Variants in CFAP70 observed in about 807,000 individuals in gnomAD.
The protein encoded by CFAP70 is cilia- and flagella-associated protein 70.
In CFAP70, 81 loss-of-function variants were observed where a neutral mutation model predicts 137.6. The ratio of observed to expected loss-of-function variants is 0.59; its 90% CI spans 0.49 to 0.71. The LOEUF (loss-of-function observed/expected upper bound fraction) is 0.71, where lower values mean the gene tolerates loss of function less well. Ranked by LOEUF, CFAP70 falls within the 30% of genes least tolerant of loss-of-function variation. The probability of loss-of-function intolerance (pLI) is 0.00; values close to 1 mark genes in which losing one functional copy is unlikely to be tolerated. For synonymous variants in CFAP70, 382 were observed against 423.6 expected (o/e 0.90, Z 1.20); for missense variants, 976 against 1,226.7 (o/e 0.80, Z 3.05).
chr10:73,264,396 A>AT (rs2045562150), intron 25 of CFAP70, among the ~76,000 whole-genome samples: 1 of 152,228 alleles, frequency 6.6e-6, no homozygotes, highest in African/African-American at 2.4e-5. Context: ...AAATACACAT[A>AT]TATTTCTATA....
chr10:73,285,949 C>G (rs2047671574), intron 19 of CFAP70, among the ~76,000 whole-genome samples: 1 of 151,746 alleles, frequency 6.6e-6, no homozygotes, highest in African/African-American at 2.4e-5. Context: ...ACTATATTTT[C>G]TTGCATGGGT....
intron 11 of CFAP70, 99 bp downstream of exon 12, chr10:73,311,735 T>A: frequency 1.0e-6 from 1 of 970,158 alleles, no homozygotes; most frequent in Non-Finnish European, 1.6e-6. Flanking sequence ...TATGGAATGA[T>A]AACTAACATC....
intron 10 of CFAP70, among the ~76,000 whole-genome samples, 196 bp downstream of exon 11, chr10:73,312,277 G>T (rs777489497): frequency 2.4e-4 from 36 of 152,140 alleles, no homozygotes; most frequent in Non-Finnish European, 4.4e-4. Context: ...ATGGCGGGTT[G>T]ACAGGTGCAG....
At chr10:73,323,453 G>A (rs1253452202) in intron 8 of CFAP70, among the ~76,000 whole-genome samples, 1 of 152,116 alleles carries the variant, frequency 6.6e-6, no homozygotes, top group African/African-American at 2.4e-5. Flanking sequence ...CATCTCACTA[G>A]GGGGTGCCAG....
intron 9 of CFAP70, among the ~76,000 whole-genome samples, chr10:73,315,144 T>C (rs959475096): frequency 6.8e-6 from 1 of 147,764 alleles, no homozygotes; most frequent in Admixed American, 6.9e-5. Flanking sequence ...TTGAGCCCAG[T>C]AGTTCAAGGC....
intron 14 of CFAP70, 128 bp downstream of exon 15, chr10:73,298,771 GAGAACTTA>G (rs1301389964): frequency 1.5e-6 from 1 of 682,300 alleles, no homozygotes; most frequent in Non-Finnish European, 2.4e-6. Context: ...CTCTATCATA[GAGAACTTA>G]GCTCTTTGCC....
intron 14 of CFAP70, 122 bp downstream of exon 15, chr10:73,298,785 T>C (rs2048721837): frequency 1.2e-6 from 1 of 811,284 alleles, no homozygotes; most frequent in Non-Finnish European, 1.9e-6. Context: ...ACTTAGCTCT[T>C]TGCCCCACCA....
rs565092107 is a variant in CFAP70 at position 73,347,996 on chromosome 10, A to T, written c.349+427T>A. ...TAGACTGTGGGCTTTTCAAAGTAGG[A>T]CTCTGCCTTATTATCTTTGTTTCCC... is the stretch of plus-strand genomic sequence containing the variant. On this transcript the variant is annotated intron_variant, in intron 4 of 26. Coordinates refer to ENST00000310715, the Ensembl canonical transcript of CFAP70. Among the ~76,000 whole-genome samples, 12 of 152,226 alleles carry T rather than the reference A, an allele frequency of 7.9e-5. No homozygotes were observed. In the South Asian group the frequency reaches 1.2e-3, roughly 16 times the overall value.
chr10:73,345,196 T>C, intron 4 of CFAP70: 2 of 1,614,176 alleles, frequency 1.2e-6, no homozygotes, highest in Non-Finnish European at 1.7e-6. Context: ...ATCTGGGCTG[T>C]GGTCAGTAAA....
In CFAP70 at chr10:73,344,088, C is replaced by T. The variant is rs563077226; in HGVS notation, c.399+977G>A. On this transcript the variant is annotated intron_variant, in intron 5 of 26. Coordinates refer to ENST00000310715, the Ensembl canonical transcript of CFAP70. ...AGTGGTTCTCCTGCCTCAGCCTCCCCAGTAGCTGGGATTACAGGCACCCAC... is the reference window on the plus strand; with the variant it reads ...AGTGGTTCTCCTGCCTCAGCCTCCCTAGTAGCTGGGATTACAGGCACCCAC... 1.6e-4 allele frequency among the ~76,000 whole-genome samples: 25 copies of T among 151,900 alleles called. No homozygotes were observed. The South Asian group carries it at 5.0e-3, about 30-fold the overall frequency.
chr10:73,321,793 T>C (rs779200252), intron 9 of CFAP70, among the ~76,000 whole-genome samples: 29 of 152,162 alleles, frequency 1.9e-4, no homozygotes, highest in Non-Finnish European at 3.1e-4. Flanking sequence ...TTCTTATATA[T>C]ATATTTTTAA....
intron 8 of CFAP70, among the ~76,000 whole-genome samples, chr10:73,324,704 G>A (rs563144628): frequency 2.6e-5 from 4 of 152,326 alleles, no homozygotes; most frequent in Non-Finnish European, 5.9e-5. Flanking sequence ...AGCCTCAGGA[G>A]CCGATGTGAT....
chr10:73,343,939 T>C (rs57025413), intron 5 of CFAP70, among the ~76,000 whole-genome samples: 23,289 of 151,462 alleles, frequency 0.15, 2,931 homozygotes, highest in African/African-American at 0.32. Flanking sequence ...TGAAAGAAAA[T>C]ATTATTTTTC....
chr10:73,344,653 G>A (rs1381555304), intron 5 of CFAP70, among the ~76,000 whole-genome samples: 2 of 152,186 alleles, frequency 1.3e-5, no homozygotes, highest in African/African-American at 2.4e-5. Flanking sequence ...TCTCCATCAA[G>A]AGCCTAAGAA....
chr10:73,293,217 T>C, intron 16 of CFAP70, 46 bp downstream of exon 17: 1 of 1,561,310 alleles, frequency 6.4e-7, no homozygotes, highest in South Asian at 1.2e-5. Context: ...ATTATGCCCA[T>C]ATTTCACAAA....
chr10:73,353,502 A>G (rs542223330), intron 3 of CFAP70, 54 bp downstream of exon 3: 51 of 1,484,406 alleles, frequency 3.4e-5, no homozygotes, highest in Non-Finnish European at 4.7e-5. Context: ...CCCATCCAAC[A>G]TGATAGGGAA....
At chr10:73,287,603 T>A (rs2047830711) in intron 19 of CFAP70, among the ~76,000 whole-genome samples, 1 of 152,200 alleles carries the variant, frequency 6.6e-6, no homozygotes, top group African/African-American at 2.4e-5. Flanking sequence ...CATACTTTTC[T>A]TAGGAAGCTT....
intron 8 of CFAP70, 68 bp downstream of exon 9, chr10:73,331,109 A>G (rs2052028471): frequency 9.1e-7 from 1 of 1,096,664 alleles, no homozygotes. Flanking sequence ...ATCAGAATTG[A>G]AGCAGAATAA....
intron 21 of CFAP70, 68 bp downstream of exon 22, chr10:73,277,172 C>T: frequency 1.3e-6 from 2 of 1,487,966 alleles, no homozygotes; most frequent in Non-Finnish European, 1.8e-6. Flanking sequence ...TGAAAGATAC[C>T]ATTATGGATA....
Sources: allele counts gnomAD v4.1 joint callset (sites outside exome capture counted in the v4.1 genomes callset), GRCh38; gene constraint gnomAD v4.1.1; transcripts MANE v1.5; gene names NCBI Gene and HGNC (gene_info 2026-07-23, HGNC 2026-07-21).